Variants in SMC2 observed in about 807,000 individuals in gnomAD.
SMC2 encodes the protein structural maintenance of chromosomes 2, also known as structural maintenance of chromosomes protein 2.
A neutral mutation model predicts 142.6 loss-of-function variants in SMC2; 41 were observed. That is an observed-to-expected ratio of 0.29 (90% CI 0.22 to 0.37). SMC2 has a LOEUF of 0.37. Ranked by LOEUF, SMC2 falls within the 10% of genes least tolerant of loss-of-function variation. The pLI, the probability that SMC2 is intolerant of heterozygous loss-of-function variation, is 1.00. For synonymous variants in SMC2, 463 were observed against 457.5 expected, an observed-to-expected ratio of 1.01 and a Z score of -0.15; for missense variants, 1,265 against 1,373.7, an observed-to-expected ratio of 0.92 and a Z score of 1.25.
chr9:104,098,812 C>T (rs1830776401), intron 4 of SMC2, among the ~76,000 whole-genome samples: 1 of 146,158 alleles, frequency 6.8e-6, no homozygotes. Context: ...TGTTTTGTCA[C>T]TAAAAGAACA....
At chr9:104,127,517 T>G in intron 20 of SMC2, 37 bp downstream of exon 20, 1 of 1,429,768 alleles carries the variant, frequency 7.0e-7, no homozygotes, top group Admixed American at 2.4e-5. Context: ...CTAAATCAAA[T>G]TTTTGTTACT....
At chr9:104,114,928 C>A in intron 13 of SMC2, 99 bp downstream of exon 13, 1 of 919,600 alleles carries the variant, frequency 1.1e-6, no homozygotes, top group Non-Finnish European at 1.6e-6. Context: ...AAGGCTCTCC[C>A]CTAAGGTGAC....
intron 20 of SMC2, 30 bp from the exon 21 acceptor site, chr9:104,129,615 G>T: frequency 6.5e-7 from 1 of 1,528,616 alleles, no homozygotes; most frequent in African/African-American, 1.4e-5. Flanking sequence ...AACATTCATA[G>T]ATCTCCCATC....
At chr9:104,121,401 T>G (rs1465068015) in intron 16 of SMC2, among the ~76,000 whole-genome samples, 1 of 151,812 alleles carries the variant, frequency 6.6e-6, no homozygotes, top group East Asian at 1.9e-4. Flanking sequence ...GAGGCTGAGG[T>G]GGGTGGATTG....
rs769263545 is a variant in SMC2 at position 104,134,477 on chromosome 9, A to G, written c.3171A>G (p.Ala1057=). The change falls in exon 23 of 25, where the codon GCA becomes GCG. Residue 1057 remains alanine (A), a synonymous_variant. Coordinates refer to ENST00000374793, the MANE Select transcript of SMC2 (RefSeq NM_006444.3). ...TLLPGANAML[A]PPEGQTVLDG... ...TGCCTGGTGCTAATGCTATGCTTGC[A>G]CCACCAGAGGGTCAAACTGTTTTGG... The G allele has an allele frequency of 9.9e-6, 16 of 1,612,770 alleles. No individual in the cohort carries two copies. Among genetic ancestry groups the G allele is most frequent in the African/African-American group, 2.7e-5 (2 of 74,834 alleles).
chr9:104,136,755 C>CT (rs755408895), intron 23 of SMC2, among the ~76,000 whole-genome samples: 1,827 of 119,766 alleles, frequency 0.015, 30 homozygotes, highest in African/African-American at 0.028. Flanking sequence ...CTGTTTTATT[C>CT]TTTTTTTTTT....
intron 9 of SMC2, among the ~76,000 whole-genome samples, chr9:104,104,291 C>A (rs1564076536): frequency 6.6e-6 from 1 of 152,146 alleles, no homozygotes; most frequent in Non-Finnish European, 1.5e-5. Context: ...CATTCATACA[C>A]AACATTTTAT....
intron 14 of SMC2, among the ~76,000 whole-genome samples, 178 bp from the exon 15 acceptor site, chr9:104,117,993 G>A (rs79989350): frequency 0.057 from 8,638 of 151,316 alleles, 658 homozygotes; most frequent in African/African-American, 0.18. Flanking sequence ...TAAACCTGCA[G>A]TTTTTTTTTC....
chr9:104,120,640 G>A (rs958799067), intron 16 of SMC2, among the ~76,000 whole-genome samples: 24 of 152,172 alleles, frequency 1.6e-4, no homozygotes, highest in Non-Finnish European at 2.9e-5. Context: ...AGTTCATGTC[G>A]AATATCAGCA....
At chr9:104,098,855 A>C (rs1159357718) in intron 4 of SMC2, among the ~76,000 whole-genome samples, 1 of 151,094 alleles carries the variant, frequency 6.6e-6, no homozygotes, top group African/African-American at 2.4e-5. Flanking sequence ...AAAAAGCCAT[A>C]ATATATCCTT....
chr9:104,124,532 T>A (rs901309087), intron 17 of SMC2, among the ~76,000 whole-genome samples: 3 of 152,084 alleles, frequency 2.0e-5, no homozygotes, highest in African/African-American at 4.8e-5. Context: ...TTTATGAAAT[T>A]ACACACTTTC....
chr9:104,127,968 CTA>C (rs1265603987), intron 20 of SMC2, among the ~76,000 whole-genome samples: 1 of 152,178 alleles, frequency 6.6e-6, no homozygotes, highest in Non-Finnish European at 1.5e-5. Context: ...TGCCAAGCAG[CTA>C]TGTTTTTGAG....
chr9:104,102,934 A>G, intron 9 of SMC2, among the ~76,000 whole-genome samples: 1 of 152,144 alleles, frequency 6.6e-6, no homozygotes, highest in Admixed American at 6.5e-5. Context: ...GGGTTTGATA[A>G]GCTTAAGAAA....
intron 7 of SMC2, 89 bp from the exon 8 acceptor site, chr9:104,101,871 T>G: frequency 1.3e-6 from 1 of 755,958 alleles, no homozygotes; most frequent in Non-Finnish European, 2.2e-6. Context: ...AAATCTATTA[T>G]GTAATGAGAA....
chr9:104,127,074 C>T (rs1274506763), intron 19 of SMC2, among the ~76,000 whole-genome samples: 2 of 152,124 alleles, frequency 1.3e-5, no homozygotes, highest in African/African-American at 4.8e-5. Context: ...GTACCTCCCA[C>T]CCCTTTTACC....
Position 104,120,053 on chromosome 9 carries a change from T to G in SMC2, c.2023T>G (p.Leu675Val). 1.2e-6 allele frequency: 2 copies of G among 1,613,966 alleles called. No homozygotes were observed. Among genetic ancestry groups the G allele is most frequent in the Non-Finnish European group, 1.7e-6 (2 of 1,179,950 alleles). The change falls in exon 16 of 25, where the codon TTA (leucine) becomes GTA (valine). Residue 675 changes from leucine (L) to valine (V), a missense_variant. This residue lies in a region of SMC2 where 898 missense variants were observed against 904.2 expected (regional missense o/e 0.99). Transcript: ENST00000374793. ...TGCTCGATCCCAGGCAGCTTCCATT[T>G]TAACCAAGTTTCAAGAACTCAAAGA... Reference protein sequence around the residue: ...GGARSQAASILTKFQELKDVQ... With the variant: ...GGARSQAASIVTKFQELKDVQ...
intron 14 of SMC2, among the ~76,000 whole-genome samples, chr9:104,117,845 T>C (rs560336696): frequency 3.7e-4 from 57 of 152,306 alleles, no homozygotes; most frequent in African/African-American, 1.3e-3. Flanking sequence ...ATCTGTACTA[T>C]AATTAAAGTT....
chr9:104,088,432 A>C, the SMC2 span, among the ~76,000 whole-genome samples: 1 of 152,094 alleles, frequency 6.6e-6, no homozygotes, highest in Non-Finnish European at 1.5e-5. Flanking sequence ...AAAAGTGTGG[A>C]TAAAGGGTTA....
At chr9:104,100,491 A>G in intron 7 of SMC2, 58 bp downstream of exon 7, 3 of 1,092,328 alleles carry the variant, frequency 2.7e-6, no homozygotes, top group Middle Eastern at 2.0e-4. Flanking sequence ...TCAGCAATGT[A>G]TCCAAAATCA....
Sources: gnomAD v4.1 joint callset for allele counts (sites outside exome capture counted in the v4.1 genomes callset) on GRCh38, gnomAD v4.1.1 for gene constraint, gnomAD v4.1.1 regional missense constraint, MANE v1.5 for transcripts, NCBI Gene and HGNC (gene_info 2026-07-23, HGNC 2026-07-21) for gene names.